Variants in EYS observed in about 807,000 individuals in gnomAD.
EYS encodes EGF-like photoreceptor maintenance factor.
In EYS, 250 loss-of-function variants were observed where a neutral mutation model predicts 282.1. The observed-to-expected ratio is 0.89, with a 90% confidence interval of 0.80 to 0.98. The LOEUF (loss-of-function observed/expected upper bound fraction) is 0.98. EYS is among the 50% of genes least tolerant of loss of function. EYS has a pLI of 0.00. For missense variants in EYS, 4,016 were observed against 3,709.0 expected (o/e 1.08, Z -2.15); for synonymous variants, 1,355 against 1,282.9 (o/e 1.06, Z -1.20).
chr6:64,406,853 G>A (rs1457774771), intron 28 of EYS, among the ~76,000 whole-genome samples: 1 of 152,188 alleles, frequency 6.6e-6, no homozygotes, highest in African/African-American at 2.4e-5. Flanking sequence ...TACACTGTTG[G>A]TAGGAGTATA....
At chr6:64,149,004 G>A (rs1475017018) in intron 31 of EYS, among the ~76,000 whole-genome samples, 2 of 152,050 alleles carry the variant, frequency 1.3e-5, no homozygotes, top group African/African-American at 4.8e-5. Context: ...TCTAATTATT[G>A]AGACACTTTC....
chr6:64,197,285 C>A (rs1412330365), intron 31 of EYS, among the ~76,000 whole-genome samples: 1 of 151,962 alleles, frequency 6.6e-6, no homozygotes, highest in African/African-American at 2.4e-5. Context: ...TGTGTGTGTG[C>A]ATTGAAATTT....
intron 21 of EYS, among the ~76,000 whole-genome samples, chr6:64,818,035 A>T (rs1764791874): frequency 6.6e-6 from 1 of 152,180 alleles, no homozygotes; most frequent in Admixed American, 6.5e-5. Context: ...CACGATTTTT[A>T]AATTCTGTAA....
chr6:65,236,543 G>A (rs1048252105), intron 12 of EYS, among the ~76,000 whole-genome samples: 2 of 152,058 alleles, frequency 1.3e-5, no homozygotes, highest in African/African-American at 4.8e-5. Flanking sequence ...GGGAGGTGGA[G>A]GTTGCAGTGA....
chr6:65,571,427 G>A (rs1764473783), intron 2 of EYS, among the ~76,000 whole-genome samples: 1 of 151,992 alleles, frequency 6.6e-6, no homozygotes, highest in Non-Finnish European at 1.5e-5. Flanking sequence ...TTCTGGTACA[G>A]AGAAGGATAG....
chr6:64,168,967 T>C (rs1272261505), intron 31 of EYS, among the ~76,000 whole-genome samples: 1 of 152,214 alleles, frequency 6.6e-6, no homozygotes, highest in Non-Finnish European at 1.5e-5. Flanking sequence ...GGTTAGAACA[T>C]GATTCAGAGA....
At chr6:63,867,333 A>T (rs191635056) in intron 35 of EYS, among the ~76,000 whole-genome samples, 10 of 152,258 alleles carry the variant, frequency 6.6e-5, no homozygotes, top group Admixed American at 3.3e-4. Flanking sequence ...CTAAATTTTT[A>T]AAAATTTTAT....
intron 22 of EYS, among the ~76,000 whole-genome samples, chr6:64,758,876 C>A (rs773870769): frequency 6.6e-5 from 10 of 152,300 alleles, no homozygotes; most frequent in Non-Finnish European, 1.3e-4. Context: ...CAGTGGCTCA[C>A]GCCTGTAATC....
rs556857136 is a variant in EYS, at chr6:64,908,233, G to A, written c.2641+4251C>T. Among the ~76,000 whole-genome samples the A allele has an allele frequency of 3.5e-3, 535 of 152,178 alleles. 1 individual carries two copies. The highest frequency in any genetic ancestry group is 6.8e-3 in the Middle Eastern group (2 of 294). ...ACATATGCCAGCAAGTGCAGGACCT[G>A]GCTGGCCACTCCAGATGCCGAAACA... On this transcript the variant is annotated intron_variant, in intron 16 of 42. Coordinates refer to ENST00000503581, the MANE Select transcript of EYS (RefSeq NM_001142800.2).
chr6:63,831,586 A>G (rs1771639799), intron 36 of EYS, among the ~76,000 whole-genome samples: 1 of 152,190 alleles, frequency 6.6e-6, no homozygotes, highest in Non-Finnish European at 1.5e-5. Context: ...AGAGACCTAC[A>G]AAGAGACGTA....
At chr6:64,456,497 C>T (rs1775563457) in intron 26 of EYS, among the ~76,000 whole-genome samples, 2 of 151,882 alleles carry the variant, frequency 1.3e-5, no homozygotes, top group Non-Finnish European at 2.9e-5. Flanking sequence ...CTTTTAACCT[C>T]CTTGAATCTT....
At chr6:65,685,300 C>A (rs1241372375) in intron 1 of EYS, among the ~76,000 whole-genome samples, 1 of 152,022 alleles carries the variant, frequency 6.6e-6, no homozygotes, top group Non-Finnish European at 1.5e-5. Context: ...AATTCCTTTG[C>A]TCACTTCCTC....
chr6:64,485,248 C>A (rs918393222), intron 26 of EYS, among the ~76,000 whole-genome samples: 3 of 151,428 alleles, frequency 2.0e-5, no homozygotes, highest in African/African-American at 7.3e-5. Flanking sequence ...GTTAGAGAAC[C>A]CTTTAGGATT....
At chr6:65,091,271 TAAAAAAAAAAAAAA>T (rs397887871) in intron 12 of EYS, among the ~76,000 whole-genome samples, 1 of 56,418 alleles carries the variant, frequency 1.8e-5, no homozygotes, top group East Asian at 6.1e-4. Flanking sequence ...CCATCTCCCC[TAAAAAAAAAAAAAA>T]AAAAAAAAAA....
At chr6:64,546,765 T>A (rs974418440) in intron 26 of EYS, among the ~76,000 whole-genome samples, 1 of 152,050 alleles carries the variant, frequency 6.6e-6, no homozygotes, top group Non-Finnish European at 1.5e-5. Context: ...AAAAGACACA[T>A]GAAAAAATGC....
At chr6:64,712,869 C>T (rs1771257154) in intron 22 of EYS, among the ~76,000 whole-genome samples, 1 of 152,112 alleles carries the variant, frequency 6.6e-6, no homozygotes, top group Admixed American at 6.6e-5. Context: ...AACAAGAGAG[C>T]CAAATTCTCA....
chr6:64,284,837 A>G (rs1399418497), intron 30 of EYS, among the ~76,000 whole-genome samples: 6 of 152,258 alleles, frequency 3.9e-5, no homozygotes, highest in African/African-American at 1.4e-4. Context: ...TCTTTCAGCC[A>G]TGGCTGAAGC....
chr6:63,967,790 C>A (rs1057167556), intron 35 of EYS, among the ~76,000 whole-genome samples: 3 of 152,124 alleles, frequency 2.0e-5, no homozygotes, highest in African/African-American at 7.2e-5. Flanking sequence ...AATAAAATGT[C>A]CTTGCATTTG....
chr6:63,982,995 C>T (rs900089789), intron 35 of EYS, among the ~76,000 whole-genome samples: 6 of 151,594 alleles, frequency 4.0e-5, no homozygotes, highest in African/African-American at 1.2e-4. Flanking sequence ...TTGAAAGTTG[C>T]CTTGCTAAAT....
Sources: allele counts gnomAD v4.1 joint callset (sites outside exome capture counted in the v4.1 genomes callset), GRCh38; gene constraint gnomAD v4.1.1; transcripts MANE v1.5; gene names NCBI Gene and HGNC (gene_info 2026-07-23, HGNC 2026-07-21).